MYO5A: variants seen among roughly 807,000 people sequenced by gnomAD.
MYO5A encodes the protein unconventional myosin-Va.
Under a neutral mutation model 249.7 loss-of-function variants are expected in MYO5A, and 98 were observed. The observed-to-expected ratio is 0.39, with a 90% CI of 0.33 to 0.46. The LOEUF (loss-of-function observed/expected upper bound fraction) is 0.46, where lower values mean the gene tolerates loss of function less well. MYO5A is among the 20% of genes least tolerant of loss of function. The pLI, the probability that MYO5A is intolerant of heterozygous loss-of-function variation, is 0.98. For synonymous variants in MYO5A, 778 were observed against 810.6 expected (o/e 0.96, Z 0.68); for missense variants, 1,696 against 2,308.8 (o/e 0.73, Z 5.44).
At chr15:52,399,157 T>C (rs1263748858) in intron 9 of MYO5A, among the ~76,000 whole-genome samples, 2 of 152,212 alleles carry the variant, frequency 1.3e-5, no homozygotes, top group Non-Finnish European at 2.9e-5. Context: ...CACCTATCAA[T>C]AATTAAGAGA....
At chr15:52,470,163 T>G (rs2076430383) in intron 1 of MYO5A, among the ~76,000 whole-genome samples, 1 of 152,218 alleles carries the variant, frequency 6.6e-6, no homozygotes, top group African/African-American at 2.4e-5. Flanking sequence ...GGGGGTCTTC[T>G]TCCATAGCAT....
At chr15:52,527,712 G>C (rs181908305) in intron 1 of MYO5A, among the ~76,000 whole-genome samples, 1 of 152,306 alleles carries the variant, frequency 6.6e-6, no homozygotes, top group East Asian at 1.9e-4. Context: ...TTGAATCCAG[G>C]TCTCTTGATG....
rs1307980656 is a variant in MYO5A, at chr15:52,348,805, A to AG, written c.3858+12_3858+13insC. 6.4e-7 allele frequency: 1 copy of AG among 1,566,522 alleles called. No homozygotes were observed. The highest frequency in any genetic ancestry group is 8.6e-7 in the Non-Finnish European group (1 of 1,157,658). On this transcript the variant is annotated intron_variant, in intron 29 of 41. Coordinates refer to ENST00000399233, the MANE Select transcript of MYO5A (RefSeq NM_001382347.1). ...TAGAAGTATTTACTAAAAAAAAAAA[A>AG]AGGTATAATTACCTTGTCATCCTGA...
At chr15:52,403,956 GGACTA>G (rs2042876937) in intron 9 of MYO5A, among the ~76,000 whole-genome samples, 1 of 152,048 alleles carries the variant, frequency 6.6e-6, no homozygotes, top group Non-Finnish European at 1.5e-5. Flanking sequence ...CTTGGCCCTT[GGACTA>G]ATAAATAAGT....
At chr15:52,496,458 C>G (rs1297258344) in intron 1 of MYO5A, among the ~76,000 whole-genome samples, 1 of 152,170 alleles carries the variant, frequency 6.6e-6, no homozygotes, top group East Asian at 1.9e-4. Context: ...GGTCCAGTCC[C>G]TTGTGGCTGA....
At chr15:52,488,770 CT>C (rs2076875562) in intron 1 of MYO5A, among the ~76,000 whole-genome samples, 1 of 110,670 alleles carries the variant, frequency 9.0e-6, no homozygotes, top group Non-Finnish European at 2.1e-5. Flanking sequence ...TTTTACTCTT[CT>C]CCTTACTTTG....
In MYO5A at chr15:52,381,782, T is replaced by TCACACA. The variant is rs1555438778; in HGVS notation, c.2012+1303_2012+1308dup. On this transcript the variant is annotated intron_variant, in intron 16 of 41. Coordinates refer to ENST00000399233, the MANE Select transcript of MYO5A (RefSeq NM_001382347.1). ...TTTTGTGTCTCTCTCTCTCTCTCTC[T>TCACACA]CACACACACACACACACACACACAC... is the stretch of plus-strand genomic sequence containing the variant. 1.1e-3 allele frequency among the ~76,000 whole-genome samples: 157 copies of TCACACA among 137,756 alleles called. 1 individual carries two copies. The Middle Eastern group carries it at 0.018, about 16-fold the overall frequency. 90.4% of individuals were successfully genotyped at this position (137,756 alleles called of 152,430 possible). A position where few individuals can be genotyped will look rare whatever the true frequency, so the allele number is the denominator to read the frequency against.
chr15:52,470,199 T>A (rs1014781870), intron 1 of MYO5A, among the ~76,000 whole-genome samples: 1 of 152,180 alleles, frequency 6.6e-6, no homozygotes, highest in Non-Finnish European at 1.5e-5. Context: ...CAGAGTACCA[T>A]GTGTAATGAA....
At chr15:52,489,346 C>G (rs1049749216) in intron 1 of MYO5A, among the ~76,000 whole-genome samples, 2 of 152,084 alleles carry the variant, frequency 1.3e-5, no homozygotes, top group African/African-American at 4.8e-5. Flanking sequence ...GGGCGGATCA[C>G]GAGGTCAGGA....
chr15:52,476,151 T>C (rs1193381424), intron 1 of MYO5A, among the ~76,000 whole-genome samples: 1 of 152,230 alleles, frequency 6.6e-6, no homozygotes, highest in Non-Finnish European at 1.5e-5. Flanking sequence ...GTAATGGCCT[T>C]CTTTGTCTCT....
At chr15:52,389,740 G>C (rs1479505067) in intron 12 of MYO5A, among the ~76,000 whole-genome samples, 2 of 152,140 alleles carry the variant, frequency 1.3e-5, no homozygotes, top group Non-Finnish European at 2.9e-5. Flanking sequence ...ATCACCTGAG[G>C]TCAGGAGTTC....
chr15:52,413,006 G>A (rs2043314876), intron 5 of MYO5A, among the ~76,000 whole-genome samples: 1 of 152,138 alleles, frequency 6.6e-6, no homozygotes, highest in African/African-American at 2.4e-5. Context: ...CAGTAGCTGA[G>A]CGTGGTGGCA....
At chr15:52,396,272 G>T (rs894814677) in intron 11 of MYO5A, 44 bp downstream of exon 11, 8 of 1,151,770 alleles carry the variant, frequency 6.9e-6, no homozygotes, top group Non-Finnish European at 1.0e-5. Context: ...GAATTCAAGA[G>T]AATAATTTAT....
intron 30 of MYO5A, among the ~76,000 whole-genome samples, chr15:52,345,595 A>G (rs2039583190): frequency 6.6e-6 from 1 of 151,686 alleles, no homozygotes; most frequent in Non-Finnish European, 1.5e-5. Flanking sequence ...AAAAAAAAAA[A>G]AAAGAAAGAT....
At chr15:52,405,190 T>A (rs1201154909) in intron 9 of MYO5A, 97 bp downstream of exon 9, 13 of 868,574 alleles carry the variant, frequency 1.5e-5, no homozygotes, top group Admixed American at 3.9e-5. Flanking sequence ...TCTGATAATA[T>A]TGATAGAGAG....
rs369784165 is a variant in MYO5A, at chr15:52,308,887, T to C, written c.*4809A>G. The C allele has an allele frequency of 1.9e-4, 29 of 152,996 alleles. No individual in the cohort carries two copies. Among genetic ancestry groups the C allele is most frequent in the African/African-American group, 6.5e-4 (27 of 41,526 alleles). 9.5% of individuals were successfully genotyped at this position (152,996 alleles called of 1,614,324 possible). A position where few individuals can be genotyped will look rare whatever the true frequency, so the allele number is the denominator to read the frequency against. On this transcript the variant is annotated 3_prime_UTR_variant, in exon 42 of 42. Transcript: ENST00000399233. ...CAATGCACTCATCCATGAACAGAGG[T>C]CACGGCAATACAGATCCTCTTCAAC...
intron 5 of MYO5A, among the ~76,000 whole-genome samples, chr15:52,415,321 T>C (rs1351141844): frequency 6.6e-6 from 1 of 152,230 alleles, no homozygotes; most frequent in African/African-American, 2.4e-5. Context: ...TTTTTCTCCA[T>C]TTAATAAGTC....
chr15:52,522,382 C>T (rs183856966), intron 1 of MYO5A, among the ~76,000 whole-genome samples: 5 of 152,144 alleles, frequency 3.3e-5, no homozygotes, highest in Admixed American at 3.3e-4. Context: ...TGGGGTGGTG[C>T]TGGGGAGAAA....
Position 52,372,244 on chromosome 15 carries a change from C to G in MYO5A, c.2697G>C (p.Met899Ile). 1.2e-6 allele frequency: 2 copies of G among 1,613,042 alleles called. No individual in the cohort carries two copies. Among genetic ancestry groups the G allele is most frequent in the South Asian group, 1.1e-5 (1 of 91,052 alleles). The change falls in exon 21 of 42, where the codon ATG becomes ATC. Residue 899 changes from methionine to isoleucine, a missense_variant. Physicochemically the swap from Met to Ile is conservative, Grantham distance 10. Coordinates refer to ENST00000399233, the MANE Select transcript of MYO5A (RefSeq NM_001382347.1). Reference sequence around the variant, plus strand: ...GCTTCTTTAGCTCACGCTTGGCCATCATCCGCCTGAAGCAGCACTGAAGGT... The same window carrying G: ...GCTTCTTTAGCTCACGCTTGGCCATGATCCGCCTGAAGCAGCACTGAAGGT... ...IIYLQCCFRR[M>I]MAKRELKKLK...
Sources: allele counts gnomAD v4.1 joint callset (sites outside exome capture counted in the v4.1 genomes callset), GRCh38; gene constraint gnomAD v4.1.1; transcripts MANE v1.5; gene names NCBI Gene and HGNC (gene_info 2026-07-23, HGNC 2026-07-21).